The following WDPCP variants were observed in gnomAD, a reference collection of about 807,000 sequenced individuals.
WDPCP encodes the protein WD repeat containing planar cell polarity effector, also known as WD repeat-containing and planar cell polarity effector protein fritz homolog.
WDPCP carries 71 observed loss-of-function variants against 93.1 expected under a neutral mutation model. The ratio of observed to expected loss-of-function variants is 0.76; its 90% CI spans 0.63 to 0.93. The LOEUF (loss-of-function observed/expected upper bound fraction) is 0.93. Ranked by LOEUF, WDPCP falls within the 40% of genes least tolerant of loss-of-function variation. The pLI is 0.00. For synonymous variants in WDPCP, 315 were observed against 315.0 expected (o/e 1.00, Z 0.00); for missense variants, 844 against 887.4 (o/e 0.95, Z 0.62).
At chr2:63,480,875 G>A (rs536785777) in intron 6 of WDPCP, among the ~76,000 whole-genome samples, 1 of 151,914 alleles carries the variant, frequency 6.6e-6, no homozygotes, top group Middle Eastern at 3.4e-3. Context: ...TAACAACAAA[G>A]ATAAATAGCT....
At chr2:63,415,280 T>A (rs11694795) in intron 9 of WDPCP, among the ~76,000 whole-genome samples, 1 of 151,942 alleles carries the variant, frequency 6.6e-6, no homozygotes, top group Non-Finnish European at 1.5e-5. Context: ...GGAGGATCAC[T>A]TGAGCACAGG....
chr2:63,587,902 G>T (rs1296937664), intron 1 of WDPCP, among the ~76,000 whole-genome samples: 1 of 152,234 alleles, frequency 6.6e-6, no homozygotes, highest in Admixed American at 6.5e-5. Flanking sequence ...AATTAGAACC[G>T]TATACTGTGA....
chr2:63,560,359 G>C (rs1302133573), intron 1 of WDPCP, among the ~76,000 whole-genome samples: 1 of 152,178 alleles, frequency 6.6e-6, no homozygotes, highest in Non-Finnish European at 1.5e-5. Context: ...CAAGGCTACA[G>C]TAACCAACAC....
intron 14 of WDPCP, among the ~76,000 whole-genome samples, chr2:63,230,391 A>G (rs1678750368): frequency 1.3e-5 from 2 of 152,158 alleles, no homozygotes; most frequent in Non-Finnish European, 2.9e-5. Flanking sequence ...TGCCACAATA[A>G]ACATACATGT....
intron 14 of WDPCP, among the ~76,000 whole-genome samples, chr2:63,211,227 T>C (rs988531274): frequency 2.6e-5 from 4 of 152,130 alleles, no homozygotes; most frequent in Non-Finnish European, 5.9e-5. Flanking sequence ...GACTGACACC[T>C]CATACAGCCG....
rs140272583 is a variant in WDPCP, at chr2:63,674,619, G to A, written n.309-23781C>T. Among the ~76,000 whole-genome samples the A allele has an allele frequency of 1.2e-4, 19 of 152,044 alleles. No individual in the cohort carries two copies. In the East Asian group the frequency reaches 3.5e-3, roughly 28 times the overall value. On this transcript the variant is annotated intron_variant and non_coding_transcript_variant, in intron 2 of 4. Coordinates refer to the WDPCP transcript ENST00000467687. ...CAGGATGAATAAGTTCTAGAGATCT[G>A]CTGTGTAATATCGAGCCTATAGTTA...
At chr2:63,288,920 C>T (rs1320989603) in intron 13 of WDPCP, among the ~76,000 whole-genome samples, 1 of 151,938 alleles carries the variant, frequency 6.6e-6, no homozygotes, top group Admixed American at 6.6e-5. Context: ...TCGATACTCC[C>T]CATGACTAGA....
At chr2:63,826,336 G>A (rs1288582158) in intron 1 of WDPCP, among the ~76,000 whole-genome samples, 1 of 151,306 alleles carries the variant, frequency 6.6e-6, no homozygotes, top group African/African-American at 2.4e-5. Flanking sequence ...TCGCTAGTGG[G>A]TAATATTTGG....
At chr2:63,594,055 G>C (rs894089460) in intron 3 of WDPCP, among the ~76,000 whole-genome samples, 12 of 152,078 alleles carry the variant, frequency 7.9e-5, no homozygotes, top group African/African-American at 2.9e-4. Flanking sequence ...TAAATGTTTT[G>C]GCTCAATGTA....
intron 2 of WDPCP, among the ~76,000 whole-genome samples, chr2:63,666,635 G>A (rs1710286897): frequency 6.6e-6 from 1 of 152,200 alleles, no homozygotes; most frequent in Non-Finnish European, 1.5e-5. Flanking sequence ...CCCAGGGTGT[G>A]ACCACCTGGC....
chr2:63,794,683 G>T (rs1380301361), intron 2 of WDPCP, among the ~76,000 whole-genome samples: 4 of 152,166 alleles, frequency 2.6e-5, no homozygotes, highest in Non-Finnish European at 5.9e-5. Context: ...ACTTCCAGTT[G>T]TGTGCACCAC....
intron 3 of WDPCP, among the ~76,000 whole-genome samples, chr2:63,641,551 G>GGCACTTTTTCATATGCCTGTTTGTTGTTT (rs1709980365): frequency 1.3e-5 from 2 of 151,932 alleles, no homozygotes; most frequent in Non-Finnish European, 2.9e-5. Context: ...AGTGATATTG[G>GGCACTTTTTCATATGCCTGTTTGTTGTTT]GCACTTTTTC....
At chr2:63,205,152 G>C (rs552242738) in intron 14 of WDPCP, among the ~76,000 whole-genome samples, 2 of 152,216 alleles carry the variant, frequency 1.3e-5, no homozygotes, top group African/African-American at 4.8e-5. Flanking sequence ...GAGTTCACTG[G>C]AGGTGCGTGG....
intron 6 of WDPCP, among the ~76,000 whole-genome samples, chr2:63,452,031 C>T (rs180955977): frequency 1.7e-3 from 259 of 152,300 alleles, no homozygotes; most frequent in Middle Eastern, 6.8e-3. Flanking sequence ...AAAACTGGCA[C>T]AAGACAGAGA....
intron 2 of WDPCP, chr2:63,752,073 A>G (rs994755693): frequency 6.6e-6 from 4 of 610,134 alleles, no homozygotes; most frequent in Non-Finnish European, 1.2e-5. Flanking sequence ...GTGAAGCACT[A>G]TCCACCTCTT....
At chr2:63,560,369 C>T (rs933248478) in intron 1 of WDPCP, among the ~76,000 whole-genome samples, 2 of 152,172 alleles carry the variant, frequency 1.3e-5, no homozygotes, top group African/African-American at 4.8e-5. Flanking sequence ...GTAACCAACA[C>T]AGCATTGTAC....
Position 63,693,186 on chromosome 2 carries a change from A to G in WDPCP, n.309-42348T>C, listed in dbSNP as rs989739013. Among the ~76,000 whole-genome samples, 6 of 152,318 alleles carry G rather than the reference A, an allele frequency of 3.9e-5. No homozygotes were observed. The East Asian group carries it at 9.6e-4, about 24-fold the overall frequency. On this transcript the variant is annotated intron_variant and non_coding_transcript_variant, in intron 2 of 4. Transcript: ENST00000467687. Reference sequence around the variant, plus strand: ...TAATTGGAGAATACAGCGCTCTCCTAGATGTCATACAAAAATATATGCACA... The same window carrying G: ...TAATTGGAGAATACAGCGCTCTCCTGGATGTCATACAAAAATATATGCACA...
Position 63,234,217 on chromosome 2 carries a change from T to C in WDPCP, c.1915+25090A>G, listed in dbSNP as rs1250005718. Among the ~76,000 whole-genome samples the C allele has an allele frequency of 4.6e-5, 7 of 152,206 alleles. 1 individual carries two copies. In the East Asian group the frequency reaches 5.8e-4, roughly 13 times the overall value. ...GTATGTTAACTTTGAGCAAGTCACC[T>C]AGCCTGAGTTTCATCGAAAAGAATA... On this transcript the variant is annotated intron_variant, in intron 14 of 17. Coordinates refer to ENST00000272321, the MANE Select transcript of WDPCP (RefSeq NM_015910.7).
chr2:63,127,655 G>GCA (rs1670004551), intron 17 of WDPCP, among the ~76,000 whole-genome samples: 1 of 113,408 alleles, frequency 8.8e-6, no homozygotes, highest in East Asian at 2.3e-4. Flanking sequence ...CCGTGTATGT[G>GCA]TATGTGCATA....
Sources: gnomAD v4.1 joint callset for allele counts (sites outside exome capture counted in the v4.1 genomes callset) on GRCh38, gnomAD v4.1.1 for gene constraint, MANE v1.5 for transcripts, NCBI Gene and HGNC (gene_info 2026-07-23, HGNC 2026-07-21) for gene names.